Variants in MAPK14 observed in about 807,000 individuals in gnomAD.
MAPK14 encodes CSAID-binding protein.
Under a neutral mutation model 49.6 loss-of-function variants are expected in MAPK14, and 16 were observed. The observed-to-expected ratio is 0.32, with a 90% CI of 0.22 to 0.49. MAPK14 has a LOEUF of 0.49. Among genes scored for constraint, MAPK14 ranks in the 20% least tolerant of loss-of-function variants. MAPK14 has a pLI of 0.99. For synonymous variants in MAPK14, 142 were observed against 158.0 expected (o/e 0.90, Z 0.76); for missense variants, 200 against 441.2 (o/e 0.45, Z 4.90).
chr6:36,108,277 A>G (rs1221817626), intron 11 of MAPK14, 103 bp from the exon 12 acceptor site: 5 of 840,028 alleles, frequency 6.0e-6, no homozygotes, highest in Non-Finnish European at 1.0e-5. Flanking sequence ...TCAAACCACT[A>G]CCTGGACAGA....
At chr6:36,065,347 C>T (rs764253732) in intron 3 of MAPK14, among the ~76,000 whole-genome samples, 2 of 152,128 alleles carry the variant, frequency 1.3e-5, no homozygotes, top group Non-Finnish European at 2.9e-5. Flanking sequence ...TGCTAAAGGA[C>T]TGCATAGTAT....
At chr6:36,114,146 C>A (rs959628704), downstream of MAPK14, among the ~76,000 whole-genome samples, 10 of 152,232 alleles carry the variant, frequency 6.6e-5, no homozygotes, top group African/African-American at 2.4e-4. Flanking sequence ...TCCCTTCCCC[C>A]AGTTGGGATA....
At chr6:36,119,727 G>A in the MAPK14 span, among the ~76,000 whole-genome samples, 1 of 152,110 alleles carries the variant, frequency 6.6e-6, no homozygotes, top group Non-Finnish European at 1.5e-5. Flanking sequence ...AGTGGGTAGA[G>A]GCCAGGGATG....
chr6:36,099,257 T>A (rs1037478405), intron 9 of MAPK14, among the ~76,000 whole-genome samples: 4 of 152,266 alleles, frequency 2.6e-5, no homozygotes, highest in Admixed American at 6.5e-5. Context: ...TGAATATTTT[T>A]AAAATCTCAT....
chr6:36,047,786 A>G (rs894332242), intron 1 of MAPK14, among the ~76,000 whole-genome samples: 2 of 148,708 alleles, frequency 1.3e-5, no homozygotes, highest in Non-Finnish European at 3.0e-5. Flanking sequence ...CCCAGGCTGG[A>G]GTGCAATGGC....
chr6:36,058,226 C>CA (rs1302268131), intron 2 of MAPK14, among the ~76,000 whole-genome samples: 9 of 152,000 alleles, frequency 5.9e-5, no homozygotes, highest in Non-Finnish European at 1.2e-4. Context: ...TATTTTGAGA[C>CA]TTTAAAAATG....
At chr6:36,071,128 T>C (rs1041493035) in intron 3 of MAPK14, among the ~76,000 whole-genome samples, 1 of 151,692 alleles carries the variant, frequency 6.6e-6, no homozygotes, top group African/African-American at 2.4e-5. Context: ...AGATCAGGAG[T>C]TCGAGACCAG....
intron 9 of MAPK14, chr6:36,100,304 A>T: frequency 6.9e-7 from 1 of 1,445,084 alleles, no homozygotes; most frequent in Non-Finnish European, 9.7e-7. Flanking sequence ...TGTCGCACTG[A>T]GAAGCCACAT....
At chr6:36,100,092 C>T (rs1765581683) in intron 9 of MAPK14, 1 of 816,518 alleles carries the variant, frequency 1.2e-6, no homozygotes, top group Non-Finnish European at 2.1e-6. Context: ...GTTTTTTTGT[C>T]TGTTTGGGGG....
chr6:36,101,258 A>G (rs545483254), intron 9 of MAPK14, among the ~76,000 whole-genome samples: 2 of 152,194 alleles, frequency 1.3e-5, no homozygotes, highest in East Asian at 3.9e-4. Context: ...TGGGCAACAC[A>G]GCAATACTGC....
At chr6:36,106,422 T>G (rs1423638412) in intron 10 of MAPK14, among the ~76,000 whole-genome samples, 2 of 152,204 alleles carry the variant, frequency 1.3e-5, no homozygotes, top group Non-Finnish European at 2.9e-5. Context: ...ACCAGTCAGT[T>G]GCAGTGCATG....
At chr6:36,116,090 CAG>C (rs949747644), downstream of MAPK14, among the ~76,000 whole-genome samples, 4 of 152,116 alleles carry the variant, frequency 2.6e-5, no homozygotes, top group Non-Finnish European at 5.9e-5. Context: ...GCCTGGGTGA[CAG>C]AGTGAGACCC....
At chr6:36,080,550 T>C (rs1163833720) in intron 8 of MAPK14, among the ~76,000 whole-genome samples, 1 of 152,260 alleles carries the variant, frequency 6.6e-6, no homozygotes, top group Non-Finnish European at 1.5e-5. Flanking sequence ...TACTATTCCA[T>C]TGTAAGTATT....
intron 1 of MAPK14, among the ~76,000 whole-genome samples, chr6:36,034,330 A>G (rs1048341070): frequency 2.4e-4 from 37 of 152,330 alleles, no homozygotes; most frequent in Admixed American, 8.5e-4. Flanking sequence ...TATGAATCCT[A>G]TTGGATTGAA....
rs1184973064 is a variant in MAPK14, at chr6:36,108,788, G to A, written c.*341G>A. 1 of 265,120 alleles carries A rather than the reference G, an allele frequency of 3.8e-6. No individual in the cohort carries two copies. The highest frequency in any genetic ancestry group is 7.4e-6 in the Non-Finnish European group (1 of 135,246). The allele number at this position is 265,120 out of a possible 1,614,324, so 16.4% of individuals were successfully genotyped here. ...TGTTCAATGCAAAGTAAAAAAATAT[G>A]AATTGTCCCCAATCCCGGTCATGCT... On this transcript the variant is annotated 3_prime_UTR_variant, in exon 12 of 12. Coordinates refer to ENST00000229794, the MANE Select transcript of MAPK14 (RefSeq NM_139012.3).
In MAPK14 at chr6:36,076,527, A is replaced by T. The variant is rs773348265; in HGVS notation, c.611-10A>T. ...TTGCATATACTTTTACTTCTTTTTAATTTTGCCAGTTGATATTTGGTCAGT... is the reference window on the plus strand; with the variant it reads ...TTGCATATACTTTTACTTCTTTTTATTTTTGCCAGTTGATATTTGGTCAGT... On this transcript the variant is annotated splice_polypyrimidine_tract_variant and intron_variant, in intron 7 of 11. Transcript: ENST00000229794. The T allele has an allele frequency of 5.6e-6, 9 of 1,607,708 alleles. No individual in the cohort carries two copies. The highest frequency in any genetic ancestry group is 1.1e-5 in the South Asian group (1 of 90,896).
At chr6:36,069,810 A>C (rs940617714) in intron 3 of MAPK14, among the ~76,000 whole-genome samples, 3 of 152,232 alleles carry the variant, frequency 2.0e-5, no homozygotes, top group Admixed American at 6.5e-5. Context: ...GCTGTACTTG[A>C]AGTTGCTATG....
At chr6:36,114,889 A>G (rs1391936811), downstream of MAPK14, among the ~76,000 whole-genome samples, 2 of 152,178 alleles carry the variant, frequency 1.3e-5, no homozygotes, top group Admixed American at 6.5e-5. Context: ...ACAAATCTCA[A>G]TGTGCCTGGT....
In MAPK14 at chr6:36,091,832, ATCTTT is replaced by A. The variant is rs761092225; in HGVS notation, c.683-4143_683-4139del. Among the ~76,000 whole-genome samples the A allele has an allele frequency of 8.2e-4, 116 of 142,222 alleles. 1 individual carries two copies. The highest frequency in any genetic ancestry group is 1.1e-3 in the Admixed American group (16 of 14,254). The allele number at this position is 142,222 out of a possible 152,430, so 93.3% of individuals were successfully genotyped here. ...TGAGTTGAAAAGCATAATATGGCTC[ATCTTT>A]TCTTTTCTTTTTTTTTTTTTTTTCA... On this transcript the variant is annotated intron_variant, in intron 8 of 11. Transcript: ENST00000229794.
Sources: allele counts gnomAD v4.1 joint callset (sites outside exome capture counted in the v4.1 genomes callset), GRCh38; gene constraint gnomAD v4.1.1; transcripts MANE v1.5; gene names NCBI Gene and HGNC (gene_info 2026-07-23, HGNC 2026-07-21).